OSBPL10: variants seen among roughly 807,000 people sequenced by gnomAD.
The protein encoded by OSBPL10 is oxysterol-binding protein-related protein 10.
In OSBPL10, 49 loss-of-function variants were observed where a neutral mutation model predicts 81.7. That is an observed-to-expected ratio of 0.60 (90% CI 0.48 to 0.76). The LOEUF is 0.76. Among genes scored for constraint, OSBPL10 ranks in the 30% least tolerant of loss-of-function variants. The pLI, the probability that OSBPL10 is intolerant of heterozygous loss-of-function variation, is 0.00. For missense variants in OSBPL10, 923 were observed against 987.8 expected, an observed-to-expected ratio of 0.93 and a Z score of 0.88; for synonymous variants, 419 against 383.6, an observed-to-expected ratio of 1.09 and a Z score of -1.08.
Position 31,685,640 on chromosome 3 carries a change from T to C in OSBPL10, c.1246-1526A>G, listed in dbSNP as rs529992569. The stretch of plus-strand genomic sequence containing the variant: ...CACCGGGTTCCAGCGAGTTGACCAA[T>C]ACCATGGGGCTGGTTTACAATCTCT... On this transcript the variant is annotated intron_variant, in intron 7 of 11. Coordinates refer to ENST00000396556, the MANE Select transcript of OSBPL10 (RefSeq NM_017784.5). Among the ~76,000 whole-genome samples, 10 of 152,292 alleles carry C rather than the reference T, an allele frequency of 6.6e-5. No individual in the cohort carries two copies. The South Asian group carries it at 1.0e-3, about 16-fold the overall frequency.
At chr3:31,726,197 G>A (rs1696802684) in intron 6 of OSBPL10, among the ~76,000 whole-genome samples, 1 of 152,142 alleles carries the variant, frequency 6.6e-6, no homozygotes, top group South Asian at 2.1e-4. Context: ...AAAATCCAGT[G>A]ACCCACCACC....
intron 7 of OSBPL10, among the ~76,000 whole-genome samples, chr3:31,695,717 G>A (rs1020511238): frequency 3.3e-5 from 5 of 152,172 alleles, no homozygotes; most frequent in Non-Finnish European, 5.9e-5. Flanking sequence ...GTGGCCCCCT[G>A]GTGGTGTGTG....
In OSBPL10 at chr3:31,830,065, G is replaced by T; in HGVS notation, c.704C>A (p.Ser235Tyr). 6.2e-7 allele frequency: 1 copy of T among 1,613,734 alleles called. No individual in the cohort carries two copies. The highest frequency in any genetic ancestry group is 8.5e-7 in the Non-Finnish European group (1 of 1,179,978). Reference protein sequence around the residue: ...AAARRAKSQYSGQLHEVREMM... With the variant: ...AAARRAKSQYYGQLHEVREMM... ...CTCTCTGACTTCGTGAAGCTGGCCG[G>T]AATACTGACTCTTGGCTCTTCGGGC... Residue 235 changes from serine to tyrosine, a missense_variant, in exon 4 of 12, where the codon TCC becomes TAC. Physicochemically the swap from Ser to Tyr is moderately radical, Grantham distance 144. Transcript: ENST00000396556.
intron 1 of OSBPL10, among the ~76,000 whole-genome samples, chr3:31,884,686 G>A (rs900300559): frequency 6.6e-6 from 1 of 152,110 alleles, no homozygotes; most frequent in African/African-American, 2.4e-5. Flanking sequence ...TTTCTGGATC[G>A]GGCTTCATTA....
intron 3 of OSBPL10, among the ~76,000 whole-genome samples, chr3:31,867,347 A>G (rs1701204762): frequency 1.3e-5 from 2 of 152,190 alleles, no homozygotes; most frequent in African/African-American, 4.8e-5. Flanking sequence ...TTATCCATAG[A>G]TGGAAAAAAA....
intron 1 of OSBPL10, among the ~76,000 whole-genome samples, chr3:31,962,649 C>A (rs1278233806): frequency 6.6e-6 from 1 of 152,112 alleles, no homozygotes; most frequent in Non-Finnish European, 1.5e-5. Flanking sequence ...GTTAGGGTTT[C>A]AATCGCTCCC....
chr3:32,001,595 A>C (rs1559547333), intron 2 of OSBPL10, among the ~76,000 whole-genome samples: 2 of 152,262 alleles, frequency 1.3e-5, no homozygotes, highest in Admixed American at 1.3e-4. Flanking sequence ...ACAGAGATTT[A>C]TATTCTGTAC....
chr3:31,908,750 C>T (rs1483437142), intron 1 of OSBPL10, among the ~76,000 whole-genome samples: 1 of 152,170 alleles, frequency 6.6e-6, no homozygotes, highest in East Asian at 1.9e-4. Flanking sequence ...AGTCCATTTC[C>T]ATAGGCCAGG....
At chr3:31,695,360 CCT>C (rs1247673655) in intron 7 of OSBPL10, among the ~76,000 whole-genome samples, 4 of 152,156 alleles carry the variant, frequency 2.6e-5, no homozygotes, top group Admixed American at 6.5e-5. Flanking sequence ...TTCAAGCATC[CCT>C]CTCTCTGCTA....
chr3:31,853,292 C>T (rs896825657), intron 3 of OSBPL10, among the ~76,000 whole-genome samples: 2 of 152,098 alleles, frequency 1.3e-5, no homozygotes, highest in African/African-American at 4.8e-5. Flanking sequence ...CATGGAGTTC[C>T]ACTTCAAATG....
At chr3:31,861,557 T>G (rs543581419) in intron 3 of OSBPL10, among the ~76,000 whole-genome samples, 2 of 152,282 alleles carry the variant, frequency 1.3e-5, no homozygotes, top group African/African-American at 4.8e-5. Flanking sequence ...TCTATAGAAC[T>G]AGAAACTCAG....
intron 4 of OSBPL10, among the ~76,000 whole-genome samples, chr3:31,778,675 T>C (rs759992989): frequency 6.6e-5 from 10 of 152,034 alleles, no homozygotes; most frequent in Non-Finnish European, 1.3e-4. Context: ...TTGCAAGAGA[T>C]CTAGACATCC....
chr3:31,664,120 T>C lies in OSBPL10; in HGVS notation c.2209A>G (p.Asn737Asp). Residue 737 changes from asparagine to aspartate, a missense_variant, in exon 11 of 12, where the codon AAC becomes GAC. Physicochemically the swap from Asn to Asp is conservative, Grantham distance 23. Transcript: ENST00000396556. ...KQRVEERKRE[N>D]LRTPWKPKYF... Reference sequence around the variant, plus strand: ...TTGGGCTTCCATGGTGTGCGGAGGTTCTCGCGCTTCCGTTCCTCCACCCGT... The same window carrying C: ...TTGGGCTTCCATGGTGTGCGGAGGTCCTCGCGCTTCCGTTCCTCCACCCGT... The C allele has an allele frequency of 6.2e-7, 1 of 1,613,888 alleles. No individual in the cohort carries two copies. Among genetic ancestry groups the C allele is most frequent in the Non-Finnish European group, 8.5e-7 (1 of 1,179,982 alleles).
intron 1 of OSBPL10, among the ~76,000 whole-genome samples, chr3:31,957,116 C>T (rs1698031696): frequency 6.6e-6 from 1 of 152,084 alleles, no homozygotes; most frequent in East Asian, 1.9e-4. Flanking sequence ...GCCTGGGCGA[C>T]AGAGTGAGGC....
chr3:31,873,420 T>A lies in OSBPL10; in HGVS notation c.537+3013A>T, dbSNP rs188336283. ...GGGAAAAACTTCATCAGGTAGTGAC[T>A]AAGGCAGGTCTGGGTTTTGAAACCA... On this transcript the variant is annotated intron_variant, in intron 3 of 11. Transcript: ENST00000396556. 1.7e-3 allele frequency among the ~76,000 whole-genome samples: 257 copies of A among 152,316 alleles called. 2 individuals carry two copies. Among genetic ancestry groups the A allele is most frequent in the Non-Finnish European group, 2.6e-3 (175 of 68,018 alleles).
intron 5 of OSBPL10, among the ~76,000 whole-genome samples, chr3:31,737,010 A>T (rs1697194610): frequency 6.6e-6 from 1 of 152,196 alleles, no homozygotes; most frequent in South Asian, 2.1e-4. Context: ...CTATCCCATC[A>T]TTATCCAGAT....
chr3:31,915,601 C>T (rs1002416330), intron 1 of OSBPL10, among the ~76,000 whole-genome samples: 12 of 151,904 alleles, frequency 7.9e-5, no homozygotes, highest in Admixed American at 5.2e-4. Context: ...AAACTTGGGG[C>T]GACTAAAGTA....
chr3:31,966,221 A>G (rs1395562064), intron 1 of OSBPL10, among the ~76,000 whole-genome samples: 1 of 148,840 alleles, frequency 6.7e-6, no homozygotes, highest in Non-Finnish European at 1.5e-5. Flanking sequence ...AATTCATGGG[A>G]CGAAAATAAA....
At chr3:32,005,077 T>C (rs1283236299) in intron 2 of OSBPL10, among the ~76,000 whole-genome samples, 1 of 152,194 alleles carries the variant, frequency 6.6e-6, no homozygotes, top group Non-Finnish European at 1.5e-5. Context: ...TTTATTATTT[T>C]ACTTTAAGTT....
Sources: allele counts gnomAD v4.1 joint callset (sites outside exome capture counted in the v4.1 genomes callset), GRCh38; gene constraint gnomAD v4.1.1; transcripts MANE v1.5; gene names NCBI Gene and HGNC (gene_info 2026-07-23, HGNC 2026-07-21).